Variants in RAB22A observed in about 807,000 individuals in gnomAD.
RAB22A encodes the protein RAB22A, member RAS oncogene family, also known as ras-related protein Rab-22A.
A neutral mutation model predicts 30.2 loss-of-function variants in RAB22A; 13 were observed. That is an observed-to-expected ratio of 0.43 (90% CI 0.28 to 0.68). The LOEUF is 0.68. RAB22A is among the 30% of genes least tolerant of loss of function. The pLI is 0.18. For synonymous variants in RAB22A, 89 were observed against 87.2 expected (o/e 1.02, Z -0.11); for missense variants, 177 against 246.8 (o/e 0.72, Z 1.89).
At chr20:58,341,292 G>A (rs1986849214) in intron 2 of RAB22A, among the ~76,000 whole-genome samples, 1 of 152,174 alleles carries the variant, frequency 6.6e-6, no homozygotes, top group African/African-American at 2.4e-5. Context: ...ATGGAAGAAG[G>A]CCTAAGACGC....
At chr20:58,348,026 A>G (rs755823345) in intron 3 of RAB22A, among the ~76,000 whole-genome samples, 1 of 152,228 alleles carries the variant, frequency 6.6e-6, no homozygotes, top group Non-Finnish European at 1.5e-5. Context: ...CAGGAGTTCT[A>G]GATCAGCCTG....
intron 2 of RAB22A, among the ~76,000 whole-genome samples, chr20:58,329,028 C>G (rs577985605): frequency 6.6e-6 from 1 of 150,470 alleles, no homozygotes; most frequent in South Asian, 2.1e-4. Flanking sequence ...ATTTGTTTAC[C>G]TAGGGTAATG....
Position 58,332,888 on chromosome 20 carries a change from A to T in RAB22A, c.117-10830A>T, listed in dbSNP as rs568664783. Among the ~76,000 whole-genome samples the T allele has an allele frequency of 2.4e-4, 37 of 152,280 alleles. No homozygotes were observed. In the South Asian group the frequency reaches 7.7e-3, roughly 32 times the overall value. ...AGAAGAGGGATAAAAAACATGTTAT[A>T]TACAGGAGGACAGTGATAATAATTA... On this transcript the variant is annotated intron_variant, in intron 2 of 6. Transcript: ENST00000244040.
chr20:58,342,458 G>A (rs1242980779), intron 2 of RAB22A, among the ~76,000 whole-genome samples: 7 of 152,068 alleles, frequency 4.6e-5, no homozygotes, highest in Non-Finnish European at 1.0e-4. Flanking sequence ...TCTGATACTT[G>A]TCTAAGCTCA....
intron 2 of RAB22A, among the ~76,000 whole-genome samples, chr20:58,326,828 G>A (rs1986577607): frequency 6.6e-6 from 1 of 152,116 alleles, no homozygotes; most frequent in East Asian, 1.9e-4. Flanking sequence ...ATGCCTTGTT[G>A]CACAGGCTAG....
chr20:58,330,781 C>T lies in RAB22A; in HGVS notation c.117-12937C>T, dbSNP rs558992514. ...AGCCTCTGGATTGGCAGGATTTAAACTCCCAACTTTTCTCCCCTACAGTTG... is the reference window on the plus strand; with the variant it reads ...AGCCTCTGGATTGGCAGGATTTAAATTCCCAACTTTTCTCCCCTACAGTTG... On this transcript the variant is annotated intron_variant, in intron 2 of 6. Transcript: ENST00000244040. Among the ~76,000 whole-genome samples, 3 of 152,302 alleles carry T rather than the reference C, an allele frequency of 2.0e-5. No homozygotes were observed. The South Asian group carries it at 6.2e-4, about 32-fold the overall frequency.
chr20:58,349,928 A>C (rs1413733776), intron 3 of RAB22A, among the ~76,000 whole-genome samples: 1 of 152,244 alleles, frequency 6.6e-6, no homozygotes, highest in Non-Finnish European at 1.5e-5. Flanking sequence ...ATTTGCAGAC[A>C]CAGAATTTAA....
At chr20:58,337,207 C>A (rs1198754670) in intron 2 of RAB22A, among the ~76,000 whole-genome samples, 1 of 152,204 alleles carries the variant, frequency 6.6e-6, no homozygotes, top group Non-Finnish European at 1.5e-5. Flanking sequence ...ATTGACAGAG[C>A]TGGTCCTTCT....
At position 58,353,324 on chromosome 20, in the gene RAB22A, G is replaced by A. The variant is rs889683878; in HGVS notation, c.250G>A (p.Val84Ile). 11 of 1,613,830 alleles carry A rather than the reference G, an allele frequency of 6.8e-6. No homozygotes were observed. Among genetic ancestry groups the A allele is most frequent in the South Asian group, 4.4e-5 (4 of 91,086 alleles). ...YYRGSAAAIIVYDITKEETFS... is the reference protein window; with the variant it reads ...YYRGSAAAIIIYDITKEETFS... ...TCGAGGGTCGGCTGCAGCTATAATCGTTTATGATATCACAAAAGAAGTAAG... is the reference window on the plus strand; with the variant it reads ...TCGAGGGTCGGCTGCAGCTATAATCATTTATGATATCACAAAAGAAGTAAG... Residue 84 changes from valine to isoleucine, a missense_variant, in exon 4 of 7, where the codon GTT becomes ATT. Transcript: ENST00000244040.
At chr20:58,359,469 T>A in intron 6 of RAB22A, 137 bp from the exon 7 acceptor site, 1 of 563,988 alleles carries the variant, frequency 1.8e-6, no homozygotes, top group South Asian at 2.4e-5. Flanking sequence ...AATCTAAAAT[T>A]ATTCGAGTAT....
chr20:58,313,353 T>G (rs1986269141), intron 2 of RAB22A, among the ~76,000 whole-genome samples: 1 of 152,162 alleles, frequency 6.6e-6, no homozygotes, highest in African/African-American at 2.4e-5. Context: ...TCCTCAGTTT[T>G]AGAAGGTGGC....
At chr20:58,340,650 A>C (rs1266265856) in intron 2 of RAB22A, among the ~76,000 whole-genome samples, 1 of 152,158 alleles carries the variant, frequency 6.6e-6, no homozygotes, top group Admixed American at 6.5e-5. Context: ...AGGCCCCTAC[A>C]CTCAAAGAAC....
At chr20:58,314,576 C>T (rs1186369658) in intron 2 of RAB22A, among the ~76,000 whole-genome samples, 1 of 152,116 alleles carries the variant, frequency 6.6e-6, no homozygotes. Context: ...CACGGTGGCT[C>T]ACACCTGTAA....
chr20:58,336,910 A>G (rs1986765586), intron 2 of RAB22A, among the ~76,000 whole-genome samples: 1 of 152,074 alleles, frequency 6.6e-6, no homozygotes. Context: ...CTAACCCTGC[A>G]GAGCAGCCAG....
intron 2 of RAB22A, among the ~76,000 whole-genome samples, chr20:58,328,285 G>A (rs749672670): frequency 2.6e-5 from 4 of 151,926 alleles, no homozygotes; most frequent in East Asian, 1.9e-4. Flanking sequence ...AGGCTCAAGC[G>A]ATCCTCCCAC....
Position 58,365,360 on chromosome 20 carries a change from A to G in RAB22A, c.*5657A>G, listed in dbSNP as rs1328458575. The G allele has an allele frequency of 6.6e-6, 1 of 152,258 alleles. No homozygotes were observed. Among genetic ancestry groups the G allele is most frequent in the Non-Finnish European group, 1.5e-5 (1 of 68,062 alleles). The allele number at this position is 152,258 out of a possible 1,614,324, so 9.4% of individuals were successfully genotyped here. On this transcript the variant is annotated 3_prime_UTR_variant, in exon 7 of 7. Transcript: ENST00000244040. Reference sequence around the variant, plus strand: ...AAGTAGAGTGGGGCCCACTGGCATGAGTAGTCCCTGTGCCCATGCCCATGG... The same window carrying G: ...AAGTAGAGTGGGGCCCACTGGCATGGGTAGTCCCTGTGCCCATGCCCATGG...
At chr20:58,343,654 C>T in intron 2 of RAB22A, 64 bp from the exon 3 acceptor site, 1 of 1,318,160 alleles carries the variant, frequency 7.6e-7, no homozygotes, top group Non-Finnish European at 1.1e-6. Context: ...AGTGATGTTT[C>T]CGACTGGGGC....
rs1038612354 is a variant in RAB22A at position 58,365,703 on chromosome 20, C to G, written c.*6000C>G. ...TTGAGACGGAGTCTCGCTCTGTCAC[C>G]CAGGCTGGAGTGTAAGGGCGCGATC... On this transcript the variant is annotated 3_prime_UTR_variant, in exon 7 of 7. Coordinates refer to ENST00000244040, the MANE Select transcript of RAB22A (RefSeq NM_020673.3). 2.0e-5 allele frequency: 3 copies of G among 152,168 alleles called. No homozygotes were observed. Among genetic ancestry groups the G allele is most frequent in the Admixed American group, 6.6e-5 (1 of 15,242 alleles). The allele number at this position is 152,168 out of a possible 1,614,324, so 9.4% of individuals were successfully genotyped here.
At chr20:58,318,831 C>G (rs1179442004) in intron 2 of RAB22A, among the ~76,000 whole-genome samples, 1 of 152,154 alleles carries the variant, frequency 6.6e-6, no homozygotes, top group Non-Finnish European at 1.5e-5. Flanking sequence ...CACCTCCCAG[C>G]TCTAGCACTT....
Sources: gnomAD v4.1 joint callset for allele counts (sites outside exome capture counted in the v4.1 genomes callset) on GRCh38, gnomAD v4.1.1 for gene constraint, MANE v1.5 for transcripts, NCBI Gene and HGNC (gene_info 2026-07-23, HGNC 2026-07-21) for gene names.